Variants in NBAS observed in about 807,000 individuals in gnomAD.
NBAS encodes the protein NBAS subunit of NRZ tethering complex.
NBAS carries 219 observed loss-of-function variants against 302.5 expected under a neutral mutation model. That is an observed-to-expected ratio of 0.72 (90% CI 0.65 to 0.81). The LOEUF (loss-of-function observed/expected upper bound fraction) is 0.81, where lower values mean the gene tolerates loss of function less well. NBAS is among the 30% of genes least tolerant of loss of function. The probability of loss-of-function intolerance (pLI) is 0.00; values close to 1 mark genes in which losing one functional copy is unlikely to be tolerated. For missense variants in NBAS, 2,932 were observed against 2,841.6 expected (o/e 1.03, Z -0.72); for synonymous variants, 1,118 against 1,021.6 (o/e 1.09, Z -1.80).
intron 28 of NBAS, 81 bp downstream of exon 28, chr2:15,394,146 T>G: frequency 4.2e-6 from 6 of 1,421,502 alleles, no homozygotes; most frequent in Non-Finnish European, 5.7e-6. Context: ...TATAACACAA[T>G]GAGGTTGTCA....
At chr2:14,957,652 G>A in the NBAS span, among the ~76,000 whole-genome samples, 2 of 152,130 alleles carry the variant, frequency 1.3e-5, no homozygotes, top group Non-Finnish European at 2.9e-5. Context: ...TCTCCAGCCA[G>A]GTGGCCTCCT....
At chr2:14,887,881 G>T in the NBAS span, among the ~76,000 whole-genome samples, 1 of 152,146 alleles carries the variant, frequency 6.6e-6, no homozygotes, top group Admixed American at 6.5e-5. Context: ...TGACTGAAAG[G>T]TATTAAATTA....
At chr2:15,117,745 T>C in the NBAS span, among the ~76,000 whole-genome samples, 11 of 152,308 alleles carry the variant, frequency 7.2e-5, no homozygotes, top group East Asian at 2.1e-3. Context: ...GAGCTGGTGA[T>C]ACCAGGAACA....
chr2:15,128,949 T>C, the NBAS span, among the ~76,000 whole-genome samples: 3 of 152,154 alleles, frequency 2.0e-5, no homozygotes, highest in African/African-American at 7.2e-5. Flanking sequence ...CAAAAGGAAC[T>C]GTGGAGATAG....
At chr2:14,863,956 G>A in the NBAS span, among the ~76,000 whole-genome samples, 1 of 152,152 alleles carries the variant, frequency 6.6e-6, no homozygotes, top group East Asian at 1.9e-4. Context: ...GAGGGCAAAA[G>A]CTAATTTTCT....
the NBAS span, among the ~76,000 whole-genome samples, chr2:14,989,287 A>ATGTGTGTGTGTGTGTGTG: frequency 8.0e-4 from 57 of 71,016 alleles, no homozygotes; most frequent in African/African-American, 1.7e-3. Flanking sequence ...TAGTAGATGT[A>ATGTGTGTGTGTGTGTGTG]TGTGTATGTG....
the NBAS span, among the ~76,000 whole-genome samples, chr2:14,910,109 G>T: frequency 6.6e-6 from 1 of 152,066 alleles, no homozygotes; most frequent in Non-Finnish European, 1.5e-5. Flanking sequence ...TGAGAATTTG[G>T]GTTTCACCTG....
At chr2:14,829,573 G>A in the NBAS span, among the ~76,000 whole-genome samples, 1 of 152,176 alleles carries the variant, frequency 6.6e-6, no homozygotes, top group South Asian at 2.1e-4. Context: ...GCACCAAAGA[G>A]CAATCTTTGG....
At chr2:15,474,351 T>C in intron 14 of NBAS, 27 bp from the exon 15 acceptor site, 1 of 1,590,650 alleles carries the variant, frequency 6.3e-7, no homozygotes, top group Non-Finnish European at 8.6e-7. Flanking sequence ...GATTTGAAGT[T>C]AATAGTAAGG....
Position 15,316,719 on chromosome 2 carries a change from A to T in NBAS, c.4583-7472T>A, listed in dbSNP as rs961975377. Among the ~76,000 whole-genome samples the T allele has an allele frequency of 4.1e-4, 62 of 152,332 alleles. 1 individual carries two copies. The highest frequency in any genetic ancestry group is 1.4e-3 in the African/African-American group (59 of 41,586). The stretch of plus-strand genomic sequence containing the variant: ...GCTTGAGTAGGTAAATAAAGTGGCC[A>T]GGAAGCGCGAAGTGGGAGGAGCCCA... On this transcript the variant is annotated intron_variant, in intron 38 of 51. Transcript: ENST00000281513.
chr2:14,934,502 G>A, the NBAS span, among the ~76,000 whole-genome samples: 5 of 152,078 alleles, frequency 3.3e-5, no homozygotes, highest in South Asian at 2.1e-4. Flanking sequence ...AGAAAGAACT[G>A]AGTAGTATGA....
At chr2:15,212,389 G>A (rs1666453789) in intron 48 of NBAS, among the ~76,000 whole-genome samples, 1 of 152,164 alleles carries the variant, frequency 6.6e-6, no homozygotes, top group East Asian at 1.9e-4. Context: ...TCCAGGATCT[G>A]ATCTGCTTCC....
chr2:14,997,450 C>T, the NBAS span, among the ~76,000 whole-genome samples: 1 of 132,822 alleles, frequency 7.5e-6, no homozygotes, highest in Non-Finnish European at 1.7e-5. Flanking sequence ...AGGCCCTGTG[C>T]TTGTTTTTTT....
intron 51 of NBAS, among the ~76,000 whole-genome samples, chr2:15,172,084 T>C (rs1664323634): frequency 6.6e-6 from 1 of 152,244 alleles, no homozygotes; most frequent in Non-Finnish European, 1.5e-5. Context: ...CACATAATGA[T>C]GTCAACTGTG....
rs758424924 is a variant in NBAS at position 15,327,791 on chromosome 2, G to A, written c.4541C>T (p.Ala1514Val). The A allele has an allele frequency of 6.2e-7, 1 of 1,613,636 alleles. No individual in the cohort carries two copies. Among genetic ancestry groups the A allele is most frequent in the Non-Finnish European group, 8.5e-7 (1 of 1,179,780 alleles). Residue 1514 changes from alanine to valine, a missense_variant, in exon 38 of 52, where the codon GCA (alanine) becomes GTA (valine). Transcript: ENST00000281513. Reference protein sequence around the residue: ...AEVLLRTGKLAEAKNKGEVFP... With the variant: ...AEVLLRTGKLVEAKNKGEVFP... ...TACTTCTCCTTTATTTTTAGCCTCTGCCAATTTTCCAGTTCTCAGCAATAC... is the reference window on the plus strand; with the variant it reads ...TACTTCTCCTTTATTTTTAGCCTCTACCAATTTTCCAGTTCTCAGCAATAC...
At chr2:15,157,176 C>A in the NBAS span, among the ~76,000 whole-genome samples, 3 of 152,154 alleles carry the variant, frequency 2.0e-5, no homozygotes, top group Non-Finnish European at 4.4e-5. Flanking sequence ...TGTCAGCTGT[C>A]TGATGGCGAG....
At chr2:14,955,577 G>T in the NBAS span, among the ~76,000 whole-genome samples, 7,576 of 152,272 alleles carry the variant, frequency 0.05, 588 homozygotes, top group African/African-American at 0.17. Flanking sequence ...GGCATTTTCA[G>T]ACATCCTCTA....
the NBAS span, among the ~76,000 whole-genome samples, chr2:15,018,757 A>C: frequency 6.6e-6 from 1 of 152,160 alleles, no homozygotes; most frequent in East Asian, 1.9e-4. Flanking sequence ...CCATTTCTAC[A>C]CATAATAATT....
intron 51 of NBAS, among the ~76,000 whole-genome samples, chr2:15,167,849 A>C (rs1464543261): frequency 1.3e-5 from 2 of 152,210 alleles, no homozygotes. Context: ...TACACATGAA[A>C]AAAATTTTTT....
Sources: gnomAD v4.1 joint callset for allele counts (sites outside exome capture counted in the v4.1 genomes callset) on GRCh38, gnomAD v4.1.1 for gene constraint, MANE v1.5 for transcripts, NCBI Gene and HGNC (gene_info 2026-07-23, HGNC 2026-07-21) for gene names.